TMEM101: variants seen among roughly 807,000 people sequenced by gnomAD.
TMEM101 encodes the protein putative NF-kappa-B-activating protein 130.
In TMEM101, 14 loss-of-function variants were observed where a neutral mutation model predicts 26.0. The ratio of observed to expected loss-of-function variants is 0.54; its 90% CI spans 0.36 to 0.84. TMEM101 has a LOEUF of 0.84. Among genes scored for constraint, TMEM101 ranks in the 40% least tolerant of loss-of-function variants. The pLI is 0.01. For missense variants in TMEM101, 292 were observed against 345.1 expected, an observed-to-expected ratio of 0.85 and a Z score of 1.22; for synonymous variants, 152 against 145.1, an observed-to-expected ratio of 1.05 and a Z score of -0.34.
upstream of TMEM101, among the ~76,000 whole-genome samples, chr17:44,018,407 TG>T (rs2049254622): frequency 6.6e-6 from 1 of 152,074 alleles, no homozygotes; most frequent in African/African-American, 2.4e-5. Flanking sequence ...TGTTGGAGGG[TG>T]GGGAGGTCTC....
chr17:44,013,161 C>T lies in TMEM101; in HGVS notation c.319-6G>A. The T allele has an allele frequency of 1.3e-6, 2 of 1,550,724 alleles. No homozygotes were observed. The highest frequency in any genetic ancestry group is 1.8e-6 in the Non-Finnish European group (2 of 1,137,670). On this transcript the variant is annotated splice_polypyrimidine_tract_variant and splice_region_variant and intron_variant, in intron 2 of 3. Coordinates refer to ENST00000206380, the MANE Select transcript of TMEM101 (RefSeq NM_032376.4). ...GTGCGCGAGTACATACGGACCTAGG[C>T]CGGGGTAAGGGGACCCCAGTCAAGA...
chr17:44,017,019 C>T (rs571391726), upstream of TMEM101, among the ~76,000 whole-genome samples: 6 of 151,894 alleles, frequency 4.0e-5, no homozygotes, highest in East Asian at 9.7e-4. Flanking sequence ...CCAGCTACTC[C>T]GGGCGCCTGT....
At chr17:44,017,378 G>A (rs543252058), upstream of TMEM101, among the ~76,000 whole-genome samples, 55 of 151,650 alleles carry the variant, frequency 3.6e-4, no homozygotes, top group African/African-American at 1.0e-3. Flanking sequence ...GGATCACGAG[G>A]TCAGGAGATC....
At position 44,014,476 on chromosome 17, in the gene TMEM101, TAGCGC is replaced by T. The variant is rs1203332771; in HGVS notation, c.194_198del (p.Cys65Ter). 6.4e-6 allele frequency: 10 copies of T among 1,564,870 alleles called. No individual in the cohort carries two copies. The highest frequency in any genetic ancestry group is 8.7e-6 in the Non-Finnish European group (10 of 1,154,458). On this transcript the variant is annotated frameshift_variant, in exon 2 of 4. Coordinates refer to ENST00000206380, the MANE Select transcript of TMEM101 (RefSeq NM_032376.4). LOFTEE classifies it high-confidence loss of function. ...CGCTTCACGCCAAAGGACATGAAAC[TAGCGC>T]ACAGCACGGCTGCCCCCATGTCGAA...
intron 3 of TMEM101, chr17:44,012,567 G>A (rs2049174902): frequency 5.0e-6 from 2 of 397,944 alleles, no homozygotes; most frequent in Non-Finnish European, 8.9e-6. Context: ...TAATGGCCTG[G>A]CGCCTGTCCA....
At chr17:44,022,612 G>A (rs2049295504) in intron 1 of TMEM101, among the ~76,000 whole-genome samples, 1 of 152,082 alleles carries the variant, frequency 6.6e-6, no homozygotes, top group South Asian at 2.1e-4. Context: ...TTACCAACTG[G>A]GATTCCCTGC....
Position 44,011,466 on chromosome 17 carries a change from T to G in TMEM101, c.*462A>C. The G allele has an allele frequency of 5.6e-6, 1 of 178,830 alleles. No individual in the cohort carries two copies. The highest frequency in any genetic ancestry group is 1.2e-5 in the Non-Finnish European group (1 of 83,672). 11.1% of individuals were successfully genotyped at this position (178,830 alleles called of 1,614,324 possible). ...GCCCCTGTGCCCTTCCTGGGCCTGA[T>G]CCACATGTGTCAACACACGCACTCC... On this transcript the variant is annotated 3_prime_UTR_variant, in exon 4 of 4. Coordinates refer to ENST00000206380, the MANE Select transcript of TMEM101 (RefSeq NM_032376.4).
chr17:44,015,248 T>A (rs8073647), upstream of TMEM101: 42,784 of 261,760 alleles, frequency 0.16, 3,988 homozygotes, highest in Non-Finnish European at 0.2. Flanking sequence ...AGCAAACTGG[T>A]CTTTGAATGC....
chr17:44,020,192 A>C (rs927180299), intron 2 of TMEM101, among the ~76,000 whole-genome samples: 3 of 152,170 alleles, frequency 2.0e-5, no homozygotes, highest in African/African-American at 7.2e-5. Flanking sequence ...GGGGAGAGAA[A>C]TATTATCCCA....
upstream of TMEM101, among the ~76,000 whole-genome samples, chr17:44,016,450 C>A (rs138413356): frequency 3.3e-4 from 51 of 152,286 alleles, no homozygotes; most frequent in East Asian, 9.5e-3. Context: ...GGATTACAGG[C>A]GTGAGACACC....
intron 3 of TMEM101, 175 bp downstream of exon 3, chr17:44,012,834 G>T (rs113221945): frequency 1.6e-5 from 9 of 575,158 alleles, no homozygotes; most frequent in African/African-American, 1.3e-4. Context: ...CTCTCAACAG[G>T]CATTTGGAGG....
At chr17:44,017,989 G>A (rs1047185965), upstream of TMEM101, among the ~76,000 whole-genome samples, 5 of 152,268 alleles carry the variant, frequency 3.3e-5, no homozygotes, top group African/African-American at 1.2e-4. Context: ...GCTGGGCATG[G>A]TGGCGGGAGC....
rs1166630077 is a variant in TMEM101 at position 44,013,207 on chromosome 17, C to G, written c.319-52G>C. ...CAAGAACTGCAGCCGCCACATCTCTCCTGGCTTCCCAGAGTGTAGAACCAC... is the reference window on the plus strand; with the variant it reads ...CAAGAACTGCAGCCGCCACATCTCTGCTGGCTTCCCAGAGTGTAGAACCAC... On this transcript the variant is annotated intron_variant, in intron 2 of 3. Transcript: ENST00000206380. The G allele has an allele frequency of 2.7e-6, 4 of 1,477,606 alleles. No homozygotes were observed. In the African/African-American group the frequency reaches 4.2e-5, roughly 15 times the overall value. The allele number at this position is 1,477,606 out of a possible 1,614,324, so 91.5% of individuals were successfully genotyped here. A position where few individuals can be genotyped will look rare whatever the true frequency, so the allele number is the denominator to read the frequency against.
At chr17:44,018,864 T>C (rs2049258616), upstream of TMEM101, among the ~76,000 whole-genome samples, 1 of 152,212 alleles carries the variant, frequency 6.6e-6, no homozygotes, top group Admixed American at 6.5e-5. Context: ...TACCTTTTCC[T>C]GCTCTTTCCT....
intron 2 of TMEM101, among the ~76,000 whole-genome samples, chr17:44,020,242 C>A (rs2049273502): frequency 6.6e-6 from 1 of 152,144 alleles, no homozygotes; most frequent in South Asian, 2.1e-4. Flanking sequence ...AAGTGTGTCT[C>A]CCCGTCCAAG....
upstream of TMEM101, among the ~76,000 whole-genome samples, chr17:44,017,764 CA>C (rs57754322): frequency 1.3e-3 from 158 of 125,914 alleles, no homozygotes; most frequent in Middle Eastern, 3.8e-3. Context: ...ACTCTTGTCT[CA>C]AAAAAAAAAA....
At chr17:44,014,711 G>C (rs1012889619) in intron 1 of TMEM101, 105 bp downstream of exon 1, 20 of 1,508,220 alleles carry the variant, frequency 1.3e-5, no homozygotes, top group Non-Finnish European at 1.8e-5. Flanking sequence ...CCCTCCCAGG[G>C]AGGTCCCAAT....
chr17:44,014,652 C>T lies in TMEM101; in HGVS notation c.138-115G>A. The T allele has an allele frequency of 6.6e-6, 10 of 1,507,536 alleles. No individual in the cohort carries two copies. The South Asian group carries it at 1.3e-4, about 19-fold the overall frequency. The allele number at this position is 1,507,536 out of a possible 1,614,324, so 93.4% of individuals were successfully genotyped here. On this transcript the variant is annotated intron_variant, in intron 1 of 3. Coordinates refer to ENST00000206380, the MANE Select transcript of TMEM101 (RefSeq NM_032376.4). ...GCTCCCCCAAACCAGACTCCCCTCC[C>T]ATGGGCAGGACCGCCCTACCAGATT...
At chr17:44,015,071 T>C (rs1480709741), upstream of TMEM101, 6 of 1,396,440 alleles carry the variant, frequency 4.3e-6, no homozygotes, top group Non-Finnish European at 5.8e-6. Context: ...AACGGTGTCA[T>C]TCTCTAGTTC....
Sources: gnomAD v4.1 joint callset for allele counts (sites outside exome capture counted in the v4.1 genomes callset) on GRCh38, gnomAD v4.1.1 for gene constraint, MANE v1.5 for transcripts, NCBI Gene and HGNC (gene_info 2026-07-23, HGNC 2026-07-21) for gene names.